The following ITPR1 variants were observed in gnomAD, a reference collection of about 807,000 sequenced individuals.
The protein encoded by ITPR1 is inositol 1,4,5-trisphosphate-gated calcium channel ITPR1.
Under a neutral mutation model 318.4 loss-of-function variants are expected in ITPR1, and 96 were observed. The ratio of observed to expected loss-of-function variants is 0.30; its 90% CI spans 0.26 to 0.36. The LOEUF (loss-of-function observed/expected upper bound fraction) is 0.36, where lower values mean the gene tolerates loss of function less well. Among genes scored for constraint, ITPR1 ranks in the 10% least tolerant of loss-of-function variants. The pLI, the probability that ITPR1 is intolerant of heterozygous loss-of-function variation, is 1.00. For missense variants in ITPR1, 2,440 were observed against 3,460.2 expected, an observed-to-expected ratio of 0.71 and a Z score of 7.40; for synonymous variants, 1,312 against 1,289.9, an observed-to-expected ratio of 1.02 and a Z score of -0.37.
intron 60 of ITPR1, among the ~76,000 whole-genome samples, chr3:4,835,174 A>G (rs2050809066): frequency 7.2e-6 from 1 of 138,950 alleles, no homozygotes; most frequent in Admixed American, 7.5e-5. Flanking sequence ...TCCATGTGGT[A>G]TGACTGCTTG....
chr3:4,609,089 T>TATATATATATATACACACAC (rs1171860541), intron 4 of ITPR1, among the ~76,000 whole-genome samples: 22 of 91,936 alleles, frequency 2.4e-4, no homozygotes, highest in African/African-American at 5.3e-4. Context: ...TATATATATA[T>TATATATATATATACACACAC]ACACACACAC....
intron 4 of ITPR1, among the ~76,000 whole-genome samples, chr3:4,624,111 G>A (rs1559558878): frequency 6.6e-6 from 1 of 152,118 alleles, no homozygotes. Flanking sequence ...AATCCACCCT[G>A]AGTGTCCCCC....
rs745684009 is a variant in ITPR1 at position 4,777,261 on chromosome 3, C to T, written c.6181-3C>T. On this transcript the variant is annotated splice_region_variant and splice_polypyrimidine_tract_variant and intron_variant, in intron 47 of 61. Transcript: ENST00000649015. Reference sequence around the variant, plus strand: ...GTGAATGTCTGTGTGTGTCTTTGCTCAGAACTGCATAGCCACCCATGAATC... The same window carrying T: ...GTGAATGTCTGTGTGTGTCTTTGCTTAGAACTGCATAGCCACCCATGAATC... The T allele has an allele frequency of 6.3e-6, 10 of 1,575,962 alleles. No individual in the cohort carries two copies. Among genetic ancestry groups the T allele is most frequent in the Non-Finnish European group, 8.7e-6 (10 of 1,152,750 alleles).
chr3:4,635,490 G>T (rs4685782), intron 5 of ITPR1, among the ~76,000 whole-genome samples: 1 of 151,620 alleles, frequency 6.6e-6, no homozygotes. Flanking sequence ...ACAGGTGCCC[G>T]CCACCACGCC....
At chr3:4,716,726 C>G (rs770385762) in intron 39 of ITPR1, among the ~76,000 whole-genome samples, 1 of 152,138 alleles carries the variant, frequency 6.6e-6, no homozygotes, top group African/African-American at 2.4e-5. Flanking sequence ...CTTAAACAAG[C>G]GTAATTGTGA....
At chr3:4,622,614 G>A (rs192492346) in intron 4 of ITPR1, among the ~76,000 whole-genome samples, 1 of 152,000 alleles carries the variant, frequency 6.6e-6, no homozygotes, top group East Asian at 1.9e-4. Flanking sequence ...AGTAGACACG[G>A]GGTTTCACCA....
intron 50 of ITPR1, 99 bp downstream of exon 50, chr3:4,782,840 T>C: frequency 8.6e-7 from 1 of 1,164,548 alleles, no homozygotes. Context: ...TTTATGACTT[T>C]AACCTAGGAC....
chr3:4,835,750 A>T (rs899169491), intron 60 of ITPR1, among the ~76,000 whole-genome samples: 2 of 152,202 alleles, frequency 1.3e-5, no homozygotes, highest in Admixed American at 6.5e-5. Flanking sequence ...GAACTTATGT[A>T]TGCGGCATGC....
At chr3:4,788,160 A>G in intron 52 of ITPR1, 21 bp downstream of exon 52, 1 of 1,571,496 alleles carries the variant, frequency 6.4e-7, no homozygotes, top group Non-Finnish European at 8.7e-7. Flanking sequence ...ACGCATCAGC[A>G]ACAACACAGA....
In ITPR1 at chr3:4,675,187, C is replaced by T; in HGVS notation, c.2718C>T (p.Pro906=). 1 of 1,612,358 alleles carries T rather than the reference C, an allele frequency of 6.2e-7. No homozygotes were observed. Among genetic ancestry groups the T allele is most frequent in the Non-Finnish European group, 8.5e-7 (1 of 1,179,060 alleles). Reference sequence around the variant, plus strand: ...GTGTACATGTGACAACAATCTTCCCCATTAGCAAGATGGCGAAAGGAGAAG... The same window carrying T: ...GTGTACATGTGACAACAATCTTCCCTATTAGCAAGATGGCGAAAGGAGAAG... ...LDCVHVTTIF[P]ISKMAKGEEN... Residue 906 remains proline (P), a synonymous_variant, in exon 23 of 62, where the codon CCC becomes CCT. Transcript: ENST00000649015.
intron 4 of ITPR1, among the ~76,000 whole-genome samples, chr3:4,545,048 A>C (rs1177319027): frequency 6.6e-6 from 1 of 152,006 alleles, no homozygotes; most frequent in Non-Finnish European, 1.5e-5. Flanking sequence ...CTTCCGCCTC[A>C]GCCTCCCAAA....
chr3:4,765,975 C>G (rs375075846), intron 44 of ITPR1, among the ~76,000 whole-genome samples: 1 of 152,206 alleles, frequency 6.6e-6, no homozygotes, highest in Non-Finnish European at 1.5e-5. Context: ...TCCTCACCAG[C>G]TCTGAGCATT....
At chr3:4,739,279 G>A (rs2043524364) in intron 44 of ITPR1, among the ~76,000 whole-genome samples, 1 of 152,222 alleles carries the variant, frequency 6.6e-6, no homozygotes, top group African/African-American at 2.4e-5. Context: ...TGAAGACATG[G>A]TGGGTTCTTG....
chr3:4,601,191 T>TTC (rs1207743044), intron 4 of ITPR1, among the ~76,000 whole-genome samples: 2 of 150,332 alleles, frequency 1.3e-5, no homozygotes, highest in Non-Finnish European at 3.0e-5. Flanking sequence ...TTTTTTTTTT[T>TTC]TGGCACTGGG....
chr3:4,533,075 G>C (rs1223735419), intron 4 of ITPR1, among the ~76,000 whole-genome samples: 4 of 152,180 alleles, frequency 2.6e-5, no homozygotes, highest in Non-Finnish European at 5.9e-5. Flanking sequence ...GAAGCCCTAT[G>C]GTTGGGAGCG....
At position 4,631,944 on chromosome 3, in the gene ITPR1, G is replaced by A. The variant is rs148113082; in HGVS notation, c.279+4066G>A. ...TAGGATTATAGGCATGGACTACTGC[G>A]CCCAGCCGACAGATAACTTTTTAAC... On this transcript the variant is annotated intron_variant, in intron 5 of 61. Coordinates refer to ENST00000649015, the MANE Select transcript of ITPR1 (RefSeq NM_001378452.1). 2.4e-3 allele frequency among the ~76,000 whole-genome samples: 364 copies of A among 152,244 alleles called. 1 individual carries two copies. Among genetic ancestry groups the A allele is most frequent in the Non-Finnish European group, 3.0e-3 (206 of 68,020 alleles).
chr3:4,669,826 G>A, intron 19 of ITPR1, 53 bp downstream of exon 19: 3 of 1,511,354 alleles, frequency 2.0e-6, no homozygotes, highest in Non-Finnish European at 2.7e-6. Flanking sequence ...TTCAGTGTTG[G>A]TGCTCATGAG....
At chr3:4,580,103 G>A (rs895459976) in intron 4 of ITPR1, among the ~76,000 whole-genome samples, 27 of 152,088 alleles carry the variant, frequency 1.8e-4, no homozygotes, top group African/African-American at 5.5e-4. Context: ...CCAGCTACCC[G>A]GGAGGCTGAG....
intron 4 of ITPR1, among the ~76,000 whole-genome samples, chr3:4,600,175 T>C (rs1203446605): frequency 6.6e-6 from 1 of 152,252 alleles, no homozygotes; most frequent in Non-Finnish European, 1.5e-5. Context: ...TTGTCTTTTT[T>C]AAAAATTTTA....
Sources: gnomAD v4.1 joint callset for allele counts (sites outside exome capture counted in the v4.1 genomes callset) on GRCh38, gnomAD v4.1.1 for gene constraint, MANE v1.5 for transcripts, NCBI Gene and HGNC (gene_info 2026-07-23, HGNC 2026-07-21) for gene names.